Variants in APTX observed in about 807,000 individuals in gnomAD.
The protein encoded by APTX is aprataxin.
Under a neutral mutation model 42.3 loss-of-function variants are expected in APTX, and 33 were observed. The observed-to-expected ratio is 0.78, with a 90% CI of 0.59 to 1.04. The LOEUF is 1.04. APTX is among the 50% of genes least tolerant of loss of function. The probability of loss-of-function intolerance (pLI) is 0.00; values close to 1 mark genes in which losing one functional copy is unlikely to be tolerated. For missense variants in APTX, 421 were observed against 415.1 expected, an observed-to-expected ratio of 1.01 and a Z score of -0.12; for synonymous variants, 130 against 146.7, an observed-to-expected ratio of 0.89 and a Z score of 0.82.
rs762881358 is a variant in APTX, at chr9:33,024,868, G to GA, written c.-5+154_-5+155insT. On this transcript the variant is annotated intron_variant, in intron 1 of 6. Transcript: ENST00000436040. ...AGAAGAGGCGCCCGTAAGAGGGGGG[G>GA]GGGGGGGGGCAAGACTGTTCCAAGA... The GA allele has an allele frequency of 4.6e-5, 4 of 87,902 alleles. 1 individual carries two copies. The highest frequency in any genetic ancestry group is 1.1e-4 in the Non-Finnish European group (4 of 36,930). 5.4% of individuals were successfully genotyped at this position (87,902 alleles called of 1,614,324 possible). A position where few individuals can be genotyped will look rare whatever the true frequency, so the allele number is the denominator to read the frequency against.
chr9:33,018,653 G>A (rs1838107605), intron 1 of APTX, among the ~76,000 whole-genome samples: 1 of 151,158 alleles, frequency 6.6e-6, no homozygotes, highest in African/African-American at 2.4e-5. Flanking sequence ...GCCGAGGCAG[G>A]TGGATCACGA....
chr9:32,978,783 G>GCTACAATTCTCCCTT (rs1830039377), intron 6 of APTX, among the ~76,000 whole-genome samples: 1 of 152,198 alleles, frequency 6.6e-6, no homozygotes, highest in African/African-American at 2.4e-5. Flanking sequence ...ACAGGAAAAG[G>GCTACAATTCTCCCTT]CTACAATTCT....
Position 32,984,780 on chromosome 9 carries a change from C to A in APTX, c.621G>T (p.Trp207Cys). 6.2e-7 allele frequency: 1 copy of A among 1,614,194 alleles called. No homozygotes were observed. Among genetic ancestry groups the A allele is most frequent in the Non-Finnish European group, 8.5e-7 (1 of 1,180,040 alleles). ...CAGCCTTCAGACTGGAAATGGAGGT[C>A]CACGGTAAGACCAGCCAATGGTAAC... Reference protein sequence around the residue: ...KARYHWLVLPWTSISSLKAVA... With the variant: ...KARYHWLVLPCTSISSLKAVA... Residue 207 changes from tryptophan to cysteine, a missense_variant, in exon 6 of 8, where the codon TGG (tryptophan) becomes TGT (cysteine). Physicochemically the swap from Trp to Cys is radical, Grantham distance 215. Coordinates refer to ENST00000379817, the MANE Select transcript of APTX (RefSeq NM_001195248.2).
chr9:32,988,223 G>T (rs1204846011), intron 2 of APTX, 94 bp from the exon 3 acceptor site: 1 of 1,151,230 alleles, frequency 8.7e-7, no homozygotes, highest in Non-Finnish European at 1.3e-6. Context: ...CACTACAGGC[G>T]GCAGCTGAAC....
intron 1 of APTX, chr9:33,019,650 T>G (rs1226769814): frequency 2.4e-6 from 1 of 408,176 alleles, no homozygotes; most frequent in Non-Finnish European, 4.5e-6. Context: ...ATGGATGCAC[T>G]GCCTAGGAGG....
chr9:33,006,077 G>A (rs112212555), upstream of APTX, among the ~76,000 whole-genome samples: 79 of 150,500 alleles, frequency 5.2e-4, no homozygotes, highest in African/African-American at 1.9e-3. Flanking sequence ...TTGTTTGTTT[G>A]TTTGTTTGTT....
intron 6 of APTX, among the ~76,000 whole-genome samples, chr9:32,978,470 G>C (rs1008168862): frequency 2.0e-5 from 3 of 152,134 alleles, no homozygotes; most frequent in Non-Finnish European, 4.4e-5. Context: ...TCTATGGCTT[G>C]CTTAGGGGGA....
At chr9:32,997,726 C>T (rs542285482) in intron 1 of APTX, among the ~76,000 whole-genome samples, 6 of 152,326 alleles carry the variant, frequency 3.9e-5, no homozygotes, top group African/African-American at 2.4e-5. Flanking sequence ...GCTGGAGATA[C>T]AGGCAGGGTT....
intron 1 of APTX, among the ~76,000 whole-genome samples, chr9:32,992,686 G>T (rs1251073894): frequency 2.0e-5 from 3 of 152,202 alleles, no homozygotes; most frequent in Admixed American, 2.0e-4. Context: ...GAGCTTCACA[G>T]TAAGATAAAA....
intron 1 of APTX, among the ~76,000 whole-genome samples, chr9:33,011,706 T>G (rs544181646): frequency 6.6e-6 from 1 of 152,176 alleles, no homozygotes; most frequent in Non-Finnish European, 1.5e-5. Context: ...CACTTAAGAG[T>G]GCCTTCTCTG....
chr9:32,998,372 A>G (rs1835458095), intron 1 of APTX, among the ~76,000 whole-genome samples: 1 of 152,232 alleles, frequency 6.6e-6, no homozygotes, highest in African/African-American at 2.4e-5. Flanking sequence ...GATGGTGGTC[A>G]CATAGGTATA....
chr9:33,014,728 C>T (rs1271630049), intron 1 of APTX, among the ~76,000 whole-genome samples: 1 of 152,250 alleles, frequency 6.6e-6, no homozygotes, highest in East Asian at 1.9e-4. Context: ...CCATGATCAC[C>T]AAGACAGTCC....
chr9:32,995,705 G>A (rs1294838443), intron 1 of APTX, among the ~76,000 whole-genome samples: 1 of 152,052 alleles, frequency 6.6e-6, no homozygotes, highest in African/African-American at 2.4e-5. Flanking sequence ...GGCTAACACG[G>A]TGAAACCCAG....
chr9:33,019,054 C>T (rs535119423), intron 1 of APTX, among the ~76,000 whole-genome samples: 34 of 152,194 alleles, frequency 2.2e-4, no homozygotes, highest in African/African-American at 5.8e-4. Flanking sequence ...AAATAAAGAA[C>T]GAACTTTAGT....
chr9:33,019,031 A>G (rs1156530650), intron 1 of APTX, among the ~76,000 whole-genome samples: 2 of 152,242 alleles, frequency 1.3e-5, no homozygotes, highest in Admixed American at 1.3e-4. Flanking sequence ...AAAGGGAAAA[A>G]TTAAAGAAAC....
intron 2 of APTX, among the ~76,000 whole-genome samples, chr9:32,988,685 GGAAAAAAAAAAAAAAAA>G (rs1284612911): frequency 1.7e-5 from 1 of 60,472 alleles, no homozygotes; most frequent in Non-Finnish European, 3.1e-5. Flanking sequence ...TATCTCAGGA[GGAAAAAAAAAAAAAAAA>G]AAAAAAAAAA....
At chr9:33,023,361 C>A (rs1394453367) in intron 1 of APTX, among the ~76,000 whole-genome samples, 1 of 152,012 alleles carries the variant, frequency 6.6e-6, no homozygotes, top group African/African-American at 2.4e-5. Flanking sequence ...GAAGGTGGGA[C>A]TACAGGCACG....
intron 1 of APTX, among the ~76,000 whole-genome samples, chr9:33,010,789 G>T (rs373681718): frequency 6.6e-6 from 1 of 151,942 alleles, no homozygotes; most frequent in East Asian, 1.9e-4. Context: ...CATAAGAAAA[G>T]AAAGATACAG....
rs771539420 is a variant in APTX, at chr9:32,973,473, C to T, written c.*25G>A. ...CAGTTTGCTCCAGTGGGCCACACCA[C>T]AGCAGCAGCTCAGGCTCTGCAGAAT... On this transcript the variant is annotated 3_prime_UTR_variant, in exon 8 of 8. Transcript: ENST00000379817. 6.2e-7 allele frequency: 1 copy of T among 1,613,490 alleles called. No homozygotes were observed. The highest frequency in any genetic ancestry group is 8.5e-7 in the Non-Finnish European group (1 of 1,179,910).
Sources: gnomAD v4.1 joint callset for allele counts (sites outside exome capture counted in the v4.1 genomes callset) on GRCh38, gnomAD v4.1.1 for gene constraint, MANE v1.5 for transcripts, NCBI Gene and HGNC (gene_info 2026-07-23, HGNC 2026-07-21) for gene names.